Variants in ACSM2B observed in about 807,000 individuals in gnomAD.
The protein encoded by ACSM2B is acyl-CoA synthetase medium chain family member 2B, also known as acyl-coenzyme A synthetase ACSM2B, mitochondrial.
In ACSM2B, 58 loss-of-function variants were observed where a neutral mutation model predicts 78.6. The observed-to-expected ratio is 0.74, with a 90% CI of 0.60 to 0.92. The LOEUF (loss-of-function observed/expected upper bound fraction) is 0.92, where lower values mean the gene tolerates loss of function less well. Among genes scored for constraint, ACSM2B ranks in the 40% least tolerant of loss-of-function variants. The pLI, the probability that ACSM2B is intolerant of heterozygous loss-of-function variation, is 0.00. For missense variants in ACSM2B, 688 were observed against 711.2 expected (o/e 0.97, Z 0.37); for synonymous variants, 257 against 256.8 (o/e 1.00, Z -0.01).
At chr16:20,540,538 C>A (rs567951060) in intron 13 of ACSM2B, 116 bp downstream of exon 13, 5 of 1,505,534 alleles carry the variant, frequency 3.3e-6, no homozygotes, top group Non-Finnish European at 4.5e-6. Context: ...CCACCATGTC[C>A]GGCCCAGGAA....
chr16:20,559,191 T>G, intron 3 of ACSM2B, 46 bp downstream of exon 3: 1 of 1,511,774 alleles, frequency 6.6e-7, no homozygotes, highest in Non-Finnish European at 8.9e-7. Flanking sequence ...CTATCAGTTT[T>G]CTTCACAAGG....
chr16:20,558,564 C>T (rs2015545476), intron 3 of ACSM2B, among the ~76,000 whole-genome samples: 1 of 152,004 alleles, frequency 6.6e-6, no homozygotes, highest in Non-Finnish European at 1.5e-5. Flanking sequence ...GTTCCCTTTG[C>T]TTGGCACAAG....
At chr16:20,549,536 T>C in intron 6 of ACSM2B, 1 of 200,328 alleles carries the variant, frequency 5.0e-6, no homozygotes, top group South Asian at 6.9e-5. Flanking sequence ...GGCCCAATCA[T>C]CTCTTAAATG....
At chr16:20,541,036 A>G (rs549883719) in intron 12 of ACSM2B, 1 of 292,454 alleles carries the variant, frequency 3.4e-6, no homozygotes, top group South Asian at 9.7e-5. Context: ...ACAGATGAGG[A>G]GAAAGAAGAT....
chr16:20,563,481 A>T (rs2152143860), intron 2 of ACSM2B, among the ~76,000 whole-genome samples: 1 of 152,076 alleles, frequency 6.6e-6, no homozygotes, highest in Non-Finnish European at 1.5e-5. Context: ...AGATTTTTTG[A>T]TGTTTATATA....
chr16:20,537,168 G>A lies in ACSM2B; in HGVS notation c.*90C>T. 2 of 1,451,392 alleles carry A rather than the reference G, an allele frequency of 1.4e-6. No individual in the cohort carries two copies. The highest frequency in any genetic ancestry group is 1.2e-5 in the South Asian group (1 of 81,422). 89.9% of individuals were successfully genotyped at this position (1,451,392 alleles called of 1,614,324 possible). A position where few individuals can be genotyped will look rare whatever the true frequency, so the allele number is the denominator to read the frequency against. ...ACTTACATTCATGTTCTTTCATAAA[G>A]AATCTCATATCATCATAGTAAGGCC... On this transcript the variant is annotated 3_prime_UTR_variant, in exon 14 of 14. Transcript: ENST00000329697.
chr16:20,557,517 C>A lies in ACSM2B; in HGVS notation c.388+1720G>T, dbSNP rs147244460. Among the ~76,000 whole-genome samples, 168 of 152,336 alleles carry A rather than the reference C, an allele frequency of 1.1e-3. 1 individual carries two copies. Among genetic ancestry groups the A allele is most frequent in the Middle Eastern group, 3.4e-3 (1 of 294 alleles). On this transcript the variant is annotated intron_variant, in intron 3 of 13. Coordinates refer to ENST00000329697, the MANE Select transcript of ACSM2B (RefSeq NM_001105069.2). ...CTGAGATTTCCAACTCCACTATTGC[C>A]TTCCTCATCCCATTCCCTATTGAGC...
chr16:20,568,134 G>T (rs945016009), intron 1 of ACSM2B, among the ~76,000 whole-genome samples: 1 of 141,286 alleles, frequency 7.1e-6, no homozygotes, highest in Admixed American at 7.3e-5. Context: ...TATGTTATAC[G>T]TTCATGAGCT....
intron 1 of ACSM2B, among the ~76,000 whole-genome samples, chr16:20,566,618 ATATATAC>A (rs2015856447): frequency 1.9e-5 from 1 of 52,976 alleles, no homozygotes; most frequent in African/African-American, 9.5e-5. Flanking sequence ...TACATATAGT[ATATATAC>A]TATATATAGT....
chr16:20,564,394 A>G (rs2015756116), intron 2 of ACSM2B, among the ~76,000 whole-genome samples: 1 of 152,106 alleles, frequency 6.6e-6, no homozygotes, highest in Admixed American at 6.6e-5. Flanking sequence ...GGAGGTCACA[A>G]CAGAGCATGT....
chr16:20,552,071 A>G, intron 6 of ACSM2B, 73 bp downstream of exon 6: 1 of 1,525,882 alleles, frequency 6.6e-7, no homozygotes, highest in Non-Finnish European at 8.8e-7. Context: ...AATTGAAACA[A>G]ACTACAAAAA....
intron 2 of ACSM2B, among the ~76,000 whole-genome samples, chr16:20,562,630 T>C (rs12928370): frequency 2.4e-4 from 37 of 151,964 alleles, no homozygotes; most frequent in East Asian, 1.9e-4. Flanking sequence ...ACCTAAACCC[T>C]TTTGTGAAAT....
intron 1 of ACSM2B, among the ~76,000 whole-genome samples, chr16:20,566,150 T>A (rs1425355711): frequency 1.4e-5 from 2 of 143,796 alleles, no homozygotes; most frequent in Admixed American, 1.4e-4. Flanking sequence ...TTTGTTTATA[T>A]AATATATATA....
At chr16:20,540,284 T>G (rs546823653) in intron 13 of ACSM2B, among the ~76,000 whole-genome samples, 1 of 146,614 alleles carries the variant, frequency 6.8e-6, no homozygotes, top group Non-Finnish European at 1.5e-5. Context: ...ACTCTGTCAC[T>G]TAGGCTGGAG....
intron 3 of ACSM2B, among the ~76,000 whole-genome samples, chr16:20,555,691 A>G (rs2015452915): frequency 6.6e-6 from 1 of 152,132 alleles, no homozygotes; most frequent in Admixed American, 6.6e-5. Context: ...CCCTACTGAG[A>G]CAAAGAAAAG....
chr16:20,566,650 C>G lies in ACSM2B; in HGVS notation c.-8-1797G>C, dbSNP rs58666278. ...CTATATATAGTATATATATACTATACTATATATATGTATATATAGTATATA... is the reference window on the plus strand; with the variant it reads ...CTATATATAGTATATATATACTATAGTATATATATGTATATATAGTATATA... On this transcript the variant is annotated intron_variant, in intron 1 of 13. Coordinates refer to ENST00000329697, the MANE Select transcript of ACSM2B (RefSeq NM_001105069.2). Among the ~76,000 whole-genome samples, 30 of 36,016 alleles carry G rather than the reference C, an allele frequency of 8.3e-4. 1 individual carries two copies. Among genetic ancestry groups the G allele is most frequent in the African/African-American group, 7.3e-3 (29 of 3,954 alleles). 23.6% of individuals were successfully genotyped at this position (36,016 alleles called of 152,430 possible). A position where few individuals can be genotyped will look rare whatever the true frequency, so the allele number is the denominator to read the frequency against.
chr16:20,555,378 C>T lies in ACSM2B; in HGVS notation c.487G>A (p.Val163Ile), dbSNP rs1191043442. The T allele has an allele frequency of 3.7e-6, 6 of 1,613,854 alleles. No homozygotes were observed. The highest frequency in any genetic ancestry group is 5.1e-6 in the Non-Finnish European group (6 of 1,179,868). ...KAKAIVAGDE[V>I]IQEVDTVASE... Reference sequence around the variant, plus strand: ...GCCACTGTGTCCACTTCTTGGATGACTTCATCCCCAGCAACAATAGCCTTG... The same window carrying T: ...GCCACTGTGTCCACTTCTTGGATGATTTCATCCCCAGCAACAATAGCCTTG... The change falls in exon 4 of 14, where the codon GTC (valine) becomes ATC (isoleucine). Residue 163 changes from valine to isoleucine, a missense_variant. By Grantham distance (29) the Val-to-Ile change is conservative. Transcript: ENST00000329697.
intron 6 of ACSM2B, among the ~76,000 whole-genome samples, chr16:20,550,463 G>A (rs1289078392): frequency 6.6e-6 from 1 of 151,928 alleles, no homozygotes; most frequent in South Asian, 2.1e-4. Context: ...TTTTCCTAAT[G>A]GGCTTTATAA....
Position 20,553,793 on chromosome 16 carries a change from C to T in ACSM2B, c.724G>A (p.Ala242Thr), listed in dbSNP as rs768259198. The T allele has an allele frequency of 1.6e-5, 25 of 1,610,460 alleles. No homozygotes were observed. The South Asian group carries it at 2.6e-4, about 17-fold the overall frequency. The stretch of plus-strand genomic sequence containing the variant: ...TCAGCTTACCCAGCATCCATCTTGG[C>T]CTTGAGGCCCAGGCTCGAGTAGGAA... ...EHSYSSLGLK[A>T]KMDAGWTGLQ... is the part of the protein sequence containing the mutation. Residue 242 changes from alanine to threonine, a missense_variant, in exon 5 of 14, where the codon GCC becomes ACC. By Grantham distance (58) the Ala-to-Thr change is moderately conservative. Transcript: ENST00000329697.
Sources: allele counts gnomAD v4.1 joint callset (sites outside exome capture counted in the v4.1 genomes callset), GRCh38; gene constraint gnomAD v4.1.1; transcripts MANE v1.5; gene names NCBI Gene and HGNC (gene_info 2026-07-23, HGNC 2026-07-21).